Variants in MARCHF1 observed in about 807,000 individuals in gnomAD.
MARCHF1 encodes membrane associated ring-CH-type finger 1.
In MARCHF1, 40 loss-of-function variants were observed where a neutral mutation model predicts 54.2. The observed-to-expected ratio is 0.74, with a 90% confidence interval of 0.57 to 0.96. The LOEUF is 0.96. MARCHF1 is among the 40% of genes least tolerant of loss of function. The pLI is 0.00. For synonymous variants in MARCHF1, 236 were observed against 236.3 expected (o/e 1.00, Z 0.01); for missense variants, 586 against 656.5 (o/e 0.89, Z 1.17).
At chr4:163,731,992 T>C (rs1341909103) in intron 4 of MARCHF1, among the ~76,000 whole-genome samples, 3 of 152,134 alleles carry the variant, frequency 2.0e-5, no homozygotes, top group Non-Finnish European at 2.9e-5. Context: ...GAAAAATATC[T>C]AATATCCAAC....
chr4:163,550,900 C>T (rs946186451), intron 8 of MARCHF1, among the ~76,000 whole-genome samples: 3 of 152,148 alleles, frequency 2.0e-5, no homozygotes, highest in Non-Finnish European at 2.9e-5. Flanking sequence ...ACCAAACTCA[C>T]GGAATCAGAA....
At chr4:163,924,734 A>G (rs531186470) in intron 3 of MARCHF1, among the ~76,000 whole-genome samples, 2 of 152,074 alleles carry the variant, frequency 1.3e-5, no homozygotes, top group South Asian at 4.1e-4. Context: ...ACTAGTGGAT[A>G]CCAAAGCTGG....
chr4:163,768,135 G>A (rs1427908928), intron 4 of MARCHF1, among the ~76,000 whole-genome samples: 1 of 152,134 alleles, frequency 6.6e-6, no homozygotes, highest in Non-Finnish European at 1.5e-5. Context: ...GATTTCTTTA[G>A]TAGGTCCAAA....
chr4:163,539,146 G>A (rs772944134), intron 9 of MARCHF1, among the ~76,000 whole-genome samples: 4 of 152,030 alleles, frequency 2.6e-5, no homozygotes, highest in Non-Finnish European at 5.9e-5. Context: ...TCAGCCTCCT[G>A]AGTAGCTGGG....
At chr4:164,040,953 T>C (rs1365908381) in intron 2 of MARCHF1, among the ~76,000 whole-genome samples, 2 of 152,122 alleles carry the variant, frequency 1.3e-5, no homozygotes, top group East Asian at 3.8e-4. Context: ...ACTGTGTGCA[T>C]ATTTTAGTGA....
intron 1 of MARCHF1, among the ~76,000 whole-genome samples, chr4:164,241,433 C>T (rs566702765): frequency 1.3e-5 from 2 of 152,136 alleles, no homozygotes; most frequent in South Asian, 2.1e-4. Context: ...AGTTCACACC[C>T]TAGATTGATT....
Position 163,639,869 on chromosome 4 carries a change from T to G in MARCHF1, c.163-26476A>C, listed in dbSNP as rs535516612. On this transcript the variant is annotated intron_variant, in intron 5 of 9. Coordinates refer to ENST00000514618, the MANE Select transcript of MARCHF1 (RefSeq NM_001394959.1). ...TGTGGATGAAACAAAGACGAACAGC[T>G]ATTTTGTTGGTGAAGAGTTAGGGGA... 7.9e-5 allele frequency among the ~76,000 whole-genome samples: 12 copies of G among 152,248 alleles called. No homozygotes were observed. In the South Asian group the frequency reaches 2.5e-3, roughly 32 times the overall value.
chr4:163,895,360 T>C (rs938343325), intron 3 of MARCHF1, among the ~76,000 whole-genome samples: 1 of 152,226 alleles, frequency 6.6e-6, no homozygotes, highest in Non-Finnish European at 1.5e-5. Context: ...TTTTAGCTGC[T>C]TTCCTGAGAT....
chr4:164,040,664 G>T (rs1314734967), intron 2 of MARCHF1, among the ~76,000 whole-genome samples: 2 of 151,754 alleles, frequency 1.3e-5, no homozygotes, highest in Non-Finnish European at 2.9e-5. Flanking sequence ...TTTAGGTTTT[G>T]CAGTAAATAT....
At chr4:163,625,221 G>T (rs1340810573) in intron 5 of MARCHF1, among the ~76,000 whole-genome samples, 1 of 152,076 alleles carries the variant, frequency 6.6e-6, no homozygotes, top group Non-Finnish European at 1.5e-5. Context: ...CTAGCTTTAT[G>T]TACACCCATT....
chr4:163,963,235 T>C (rs976502370), intron 3 of MARCHF1, among the ~76,000 whole-genome samples: 1 of 151,942 alleles, frequency 6.6e-6, no homozygotes, highest in African/African-American at 2.4e-5. Context: ...ACTTTGACTG[T>C]AGAGATCAAA....
intron 1 of MARCHF1, among the ~76,000 whole-genome samples, chr4:164,202,335 T>C (rs557516863): frequency 8.3e-4 from 126 of 152,286 alleles, no homozygotes; most frequent in Non-Finnish European, 1.6e-3. Context: ...GCAGTAGATA[T>C]TATGAACCAT....
intron 3 of MARCHF1, among the ~76,000 whole-genome samples, chr4:163,940,547 A>G (rs1203541462): frequency 1.3e-5 from 2 of 152,020 alleles, no homozygotes; most frequent in African/African-American, 4.8e-5. Context: ...CTCTATGTCC[A>G]CCATTGGATC....
chr4:164,286,372 AAAT>A (rs1734147588), intron 1 of MARCHF1, among the ~76,000 whole-genome samples: 1 of 152,226 alleles, frequency 6.6e-6, no homozygotes, highest in African/African-American at 2.4e-5. Context: ...ACATTTTTAA[AAAT>A]AACTATAAAT....
At chr4:163,807,725 A>T (rs1319767959) in intron 4 of MARCHF1, among the ~76,000 whole-genome samples, 1 of 152,176 alleles carries the variant, frequency 6.6e-6, no homozygotes, top group Non-Finnish European at 1.5e-5. Flanking sequence ...CACTAAATAA[A>T]AATACATATA....
chr4:163,933,840 C>A (rs1039403544), intron 3 of MARCHF1, among the ~76,000 whole-genome samples: 3 of 152,194 alleles, frequency 2.0e-5, no homozygotes, highest in Non-Finnish European at 4.4e-5. Flanking sequence ...TCTGTGGCAA[C>A]AGGGACTTTC....
At chr4:163,696,010 T>C (rs1744617662) in intron 5 of MARCHF1, among the ~76,000 whole-genome samples, 1 of 152,144 alleles carries the variant, frequency 6.6e-6, no homozygotes, top group African/African-American at 2.4e-5. Flanking sequence ...TATACTATAG[T>C]AAACCTATAT....
At chr4:163,684,281 C>G (rs575029704) in intron 5 of MARCHF1, among the ~76,000 whole-genome samples, 142 of 152,132 alleles carry the variant, frequency 9.3e-4, no homozygotes, top group African/African-American at 3.0e-3. Context: ...GTTGGTGTAG[C>G]AAGTAAAAGG....
At chr4:163,951,747 A>G (rs1319174155) in intron 3 of MARCHF1, among the ~76,000 whole-genome samples, 1 of 152,220 alleles carries the variant, frequency 6.6e-6, no homozygotes, top group Admixed American at 6.5e-5. Flanking sequence ...ATCTAGGGAT[A>G]GCTTAGATCA....
Sources: allele counts gnomAD v4.1 joint callset (sites outside exome capture counted in the v4.1 genomes callset), GRCh38; gene constraint gnomAD v4.1.1; transcripts MANE v1.5; gene names NCBI Gene and HGNC (gene_info 2026-07-23, HGNC 2026-07-21).